CDX4: variants seen among roughly 807,000 people sequenced by gnomAD.
CDX4 encodes the protein homeobox protein CDX-4.
A neutral mutation model predicts 14.1 loss-of-function variants in CDX4; 11 were observed. The observed-to-expected ratio is 0.78, with a 90% CI of 0.49 to 1.29. CDX4 has a LOEUF of 1.29. Ranked by LOEUF, CDX4 falls within the 50% of genes most tolerant of loss-of-function variation. CDX4 has a pLI of 0.00. For missense variants in CDX4, 257 were observed against 237.4 expected (o/e 1.08, Z -0.54); for synonymous variants, 100 against 93.5 (o/e 1.07, Z -0.40).
chrX:73,447,485 C>A lies in CDX4; in HGVS notation c.232C>A (p.Pro78Thr), dbSNP rs1197556333. Residue 78 changes from proline to threonine, a missense_variant, in exon 1 of 3, where the codon CCC (proline) becomes ACC (threonine). Physicochemically the swap from Pro to Thr is conservative, Grantham distance 38 (BLOSUM62 -1). Coordinates refer to ENST00000373514, the MANE Select transcript of CDX4 (RefSeq NM_005193.2). ...SLGVWGSPYS[P>T]PREDWSVYPG... ...GGGAGTCTGGGGCTCACCCTACAGT[C>A]CCCCGCGAGAAGACTGGAGCGTGTA... 1.7e-6 allele frequency: 2 copies of A among 1,210,150 alleles called. No homozygotes were observed. The highest frequency in any genetic ancestry group is 2.2e-6 in the Non-Finnish European group (2 of 895,139).
At chrX:73,451,930 G>A (rs931399325) in intron 1 of CDX4, among the ~76,000 whole-genome samples, 10 of 111,386 alleles carry the variant, frequency 9.0e-5, no homozygotes, top group East Asian at 2.8e-4. Context: ...GCAGACTTAC[G>A]GTTTCCAGGT....
intron 1 of CDX4, among the ~76,000 whole-genome samples, chrX:73,451,123 A>C (rs1327439136): frequency 8.9e-6 from 1 of 111,741 alleles, no homozygotes; most frequent in African/African-American, 3.3e-5. Flanking sequence ...ACCCTCAGAA[A>C]TGTCATAGTC....
In CDX4 at chrX:73,447,150, C is replaced by T. The variant is rs1603327709; in HGVS notation, c.-104C>T. ...GAGGGGTGCAAAAGAGCTTGCGGCA[C>T]AACTACGTACTGATAAGTTTATTCT... is the stretch of plus-strand genomic sequence containing the variant. On this transcript the variant is annotated 5_prime_UTR_variant, in exon 1 of 3. Transcript: ENST00000373514. 2 of 947,791 alleles carry T rather than the reference C, an allele frequency of 2.1e-6. No individual in the cohort carries two copies. The highest frequency in any genetic ancestry group is 2.9e-6 in the Non-Finnish European group (2 of 687,959). 78.1% of individuals were successfully genotyped at this position (947,791 alleles called of 1,213,427 possible). A position where few individuals can be genotyped will look rare whatever the true frequency, so the allele number is the denominator to read the frequency against.
In CDX4 at chrX:73,447,508, G is replaced by A. The variant is rs767231207; in HGVS notation, c.255G>A (p.Val85=). 1 of 1,212,026 alleles carries A rather than the reference G, an allele frequency of 8.3e-7. No homozygotes were observed. Among genetic ancestry groups the A allele is most frequent in the Non-Finnish European group, 1.1e-6 (1 of 895,519 alleles). ...PYSPPREDWS[V]YPGPSSTMGT... The stretch of plus-strand genomic sequence containing the variant: ...GTCCCCCGCGAGAAGACTGGAGCGT[G>A]TATCCTGGGCCGTCTAGTACAATGG... Residue 85 remains valine (V), a synonymous_variant, in exon 1 of 3, where the codon GTG becomes GTA. Transcript: ENST00000373514.
intron 1 of CDX4, among the ~76,000 whole-genome samples, chrX:73,450,687 T>A (rs772528614): frequency 3.5e-4 from 39 of 112,156 alleles, no homozygotes; most frequent in Non-Finnish European, 6.0e-4. Context: ...GGGACAACTT[T>A]TTAAAAATGA....
In CDX4 at chrX:73,454,407, C is replaced by G. The variant is rs750400645; in HGVS notation, c.677C>G (p.Ala226Gly). ...QVKIWFQNRR[A>G]KERKMIKKKI... ...AAAATCTGGTTTCAGAATCGCAGAG[C>G]CAAGGAGAGAAAGATGATCAAAAAG... The change falls in exon 3 of 3, where the codon GCC (alanine) becomes GGC (glycine). Residue 226 changes from alanine (A) to glycine (G), a missense_variant. By Grantham distance (60) the Ala-to-Gly change is moderately conservative. Transcript: ENST00000373514. 6.6e-6 allele frequency: 8 copies of G among 1,207,682 alleles called. No individual in the cohort carries two copies. In the Admixed American group the frequency reaches 1.7e-4, roughly 26 times the overall value.
At chrX:73,454,301 G>A in intron 2 of CDX4, 78 bp from the exon 3 acceptor site, 1 of 693,826 alleles carries the variant, frequency 1.4e-6, no homozygotes. Context: ...AAAGGGCTTT[G>A]TAAATGCTAA....
intron 1 of CDX4, 95 bp downstream of exon 1, chrX:73,447,850 C>T (rs1222361389): frequency 6.0e-6 from 6 of 1,008,355 alleles, no homozygotes; most frequent in Non-Finnish European, 6.6e-6. Context: ...TCAGGCCTCT[C>T]CCAAGAGGGC....
At chrX:73,452,343 C>A (rs113064320) in intron 1 of CDX4, among the ~76,000 whole-genome samples, 1 of 109,120 alleles carries the variant, frequency 9.2e-6, no homozygotes, top group Non-Finnish European at 1.9e-5. Context: ...TCCTACAGAT[C>A]GCCCCCAAAA....
Position 73,454,605 on chromosome X carries a change from T to C in CDX4, c.*20T>C. Reference sequence around the variant, plus strand: ...GAATGAAAGAAAGCAAAGAGAAATTTAAAGTGCCCTTTTTTTAGTGATGTC... The same window carrying C: ...GAATGAAAGAAAGCAAAGAGAAATTCAAAGTGCCCTTTTTTTAGTGATGTC... On this transcript the variant is annotated 3_prime_UTR_variant, in exon 3 of 3. Transcript: ENST00000373514. 8.8e-7 allele frequency: 1 copy of C among 1,134,417 alleles called. No homozygotes were observed. Among genetic ancestry groups the C allele is most frequent in the Non-Finnish European group, 1.2e-6 (1 of 828,833 alleles). The allele number at this position is 1,134,417 out of a possible 1,213,427, so 93.5% of individuals were successfully genotyped here. A position where few individuals can be genotyped will look rare whatever the true frequency, so the allele number is the denominator to read the frequency against.
At chrX:73,449,520 C>T (rs2057080811) in intron 1 of CDX4, among the ~76,000 whole-genome samples, 1 of 111,589 alleles carries the variant, frequency 9.0e-6, no homozygotes, top group Non-Finnish European at 1.9e-5. Context: ...AACCCTCAAA[C>T]CTGACTTTAC....
rs781141901 is a variant in CDX4, at chrX:73,447,452, C to G, written c.199C>G (p.Pro67Ala). 10 of 1,211,397 alleles carry G rather than the reference C, an allele frequency of 8.3e-6. No homozygotes were observed. In the South Asian group the frequency reaches 8.8e-5, roughly 11 times the overall value. ...PHMPSMDPHW[P>A]SLGVWGSPYS... ...TATGCCCAGCATGGATCCTCACTGG[C>G]CGTCTCTGGGAGTCTGGGGCTCACC... The change falls in exon 1 of 3, where the codon CCG (proline) becomes GCG (alanine). Residue 67 changes from proline (P) to alanine (A), a missense_variant. Physicochemically the swap from Pro to Ala is conservative, Grantham distance 27. Transcript: ENST00000373514.
chrX:73,448,996 A>T (rs1420948618), intron 1 of CDX4, among the ~76,000 whole-genome samples: 1 of 111,738 alleles, frequency 8.9e-6, no homozygotes, highest in Non-Finnish European at 1.9e-5. Context: ...GTGTATTAGA[A>T]CCTCACTAGA....
At chrX:73,454,135 G>T (rs1035128831) in intron 2 of CDX4, among the ~76,000 whole-genome samples, 1 of 111,382 alleles carries the variant, frequency 9.0e-6, no homozygotes, top group African/African-American at 3.3e-5. Flanking sequence ...ATAATATTAA[G>T]ATTATTGCAT....
rs1282901466 is a variant in CDX4 at position 73,447,540 on chromosome X, T to C, written c.287T>C (p.Val96Ala). The C allele has an allele frequency of 8.3e-7, 1 of 1,211,409 alleles. No homozygotes were observed. The highest frequency in any genetic ancestry group is 1.1e-6 in the Non-Finnish European group (1 of 895,258). The change falls in exon 1 of 3, where the codon GTG becomes GCG. Residue 96 changes from valine (V) to alanine (A), a missense_variant. Physicochemically the swap from Val to Ala is moderately conservative, Grantham distance 64. Transcript: ENST00000373514. ...YPGPSSTMGTVPVNDVTSSPA... is the reference protein window; with the variant it reads ...YPGPSSTMGTAPVNDVTSSPA... ...GGGCCGTCTAGTACAATGGGCACAG[T>C]GCCGGTGAACGACGTGACCTCTAGC... is the stretch of plus-strand genomic sequence containing the variant.
intron 1 of CDX4, among the ~76,000 whole-genome samples, chrX:73,452,738 T>C (rs1377683356): frequency 9.0e-6 from 1 of 111,680 alleles, no homozygotes; most frequent in Non-Finnish European, 1.9e-5. Context: ...ACAATTAATG[T>C]TTTCTTTTTA....
intron 1 of CDX4, among the ~76,000 whole-genome samples, chrX:73,450,643 A>G (rs1203626479): frequency 8.9e-6 from 1 of 111,945 alleles, no homozygotes; most frequent in Non-Finnish European, 1.9e-5. Context: ...AATTCTTGAG[A>G]GTTATCATTG....
At chrX:73,448,652 G>C (rs747759482) in intron 1 of CDX4, among the ~76,000 whole-genome samples, 1 of 112,619 alleles carries the variant, frequency 8.9e-6, no homozygotes, top group Admixed American at 9.3e-5. Flanking sequence ...GCCAGTGGGC[G>C]ACTGCTGGGA....
chrX:73,452,156 G>A (rs1000349663), intron 1 of CDX4, among the ~76,000 whole-genome samples: 7 of 88,561 alleles, frequency 7.9e-5, no homozygotes, highest in Non-Finnish European at 1.5e-4. Context: ...CTTTTCTGGA[G>A]ATGAAAGGGT....
Sources: allele counts gnomAD v4.1 joint callset (sites outside exome capture counted in the v4.1 genomes callset), GRCh38; gene constraint gnomAD v4.1.1; transcripts MANE v1.5; gene names NCBI Gene and HGNC (gene_info 2026-07-23, HGNC 2026-07-21).